PDLIM5: variants seen among roughly 807,000 people sequenced by gnomAD.
PDLIM5 encodes the protein PDZ and LIM domain protein 5.
A neutral mutation model predicts 64.2 loss-of-function variants in PDLIM5; 34 were observed. The observed-to-expected ratio is 0.53, with a 90% CI of 0.40 to 0.71. PDLIM5 has a LOEUF of 0.71. Ranked by LOEUF, PDLIM5 falls within the 30% of genes least tolerant of loss-of-function variation. PDLIM5 has a pLI of 0.00. For missense variants in PDLIM5, 683 were observed against 733.6 expected (o/e 0.93, Z 0.80); for synonymous variants, 253 against 269.1 (o/e 0.94, Z 0.59).
At chr4:94,471,243 C>T (rs997397864) in intron 2 of PDLIM5, among the ~76,000 whole-genome samples, 1 of 151,990 alleles carries the variant, frequency 6.6e-6, no homozygotes, top group Non-Finnish European at 1.5e-5. Context: ...GGTATAGTTG[C>T]AAAATACTAC....
At chr4:94,661,615 A>G (rs970223643) in intron 11 of PDLIM5, among the ~76,000 whole-genome samples, 4 of 152,204 alleles carry the variant, frequency 2.6e-5, no homozygotes, top group Admixed American at 2.6e-4. Flanking sequence ...CAGTCTAGCT[A>G]GAAACTCAGT....
chr4:94,632,036 T>C (rs1740192511), intron 8 of PDLIM5, among the ~76,000 whole-genome samples: 1 of 152,276 alleles, frequency 6.6e-6, no homozygotes, highest in African/African-American at 2.4e-5. Context: ...TGTCCTCCAC[T>C]GTGAACACAC....
At chr4:94,547,642 TTCTG>T (rs1238243340) in intron 3 of PDLIM5, among the ~76,000 whole-genome samples, 3 of 152,346 alleles carry the variant, frequency 2.0e-5, no homozygotes, top group Admixed American at 1.3e-4. Context: ...GAAGCCATTA[TTCTG>T]TCTAACACAT....
intron 3 of PDLIM5, among the ~76,000 whole-genome samples, chr4:94,546,237 C>T (rs950386817): frequency 2.0e-5 from 3 of 152,056 alleles, no homozygotes; most frequent in Admixed American, 1.3e-4. Context: ...TCAGTACTGT[C>T]CCTGGTTATT....
chr4:94,513,025 T>G (rs1291855484), intron 2 of PDLIM5, among the ~76,000 whole-genome samples: 2 of 152,226 alleles, frequency 1.3e-5, no homozygotes, highest in Admixed American at 1.3e-4. Context: ...GGCACTTCTG[T>G]TGAAAATGAG....
chr4:94,489,162 A>G (rs1204068528), intron 2 of PDLIM5: 1 of 152,132 alleles, frequency 6.6e-6, no homozygotes, highest in Non-Finnish European at 1.5e-5. Flanking sequence ...CTTTAATAGT[A>G]TATTGTCTAT....
intron 3 of PDLIM5, 35 bp from the exon 4 acceptor site, chr4:94,573,316 A>ATTTTTTTT: frequency 6.8e-7 from 1 of 1,467,836 alleles, no homozygotes; most frequent in Non-Finnish European, 9.4e-7. Flanking sequence ...AAAATTCATT[A>ATTTTTTTT]TTTTTTTTTT....
chr4:94,628,609 C>T (rs2110426821), intron 8 of PDLIM5, among the ~76,000 whole-genome samples: 1 of 151,660 alleles, frequency 6.6e-6, no homozygotes, highest in African/African-American at 2.4e-5. Flanking sequence ...TACCTTTCTC[C>T]TTCATTTCTG....
At chr4:94,554,499 GAC>G (rs1159400778) in intron 3 of PDLIM5, among the ~76,000 whole-genome samples, 1 of 151,658 alleles carries the variant, frequency 6.6e-6, no homozygotes, top group African/African-American at 2.4e-5. Flanking sequence ...TATATATAAA[GAC>G]ACAGATTATA....
intron 2 of PDLIM5, among the ~76,000 whole-genome samples, chr4:94,471,715 C>G (rs1480467376): frequency 1.3e-5 from 2 of 152,050 alleles, no homozygotes; most frequent in East Asian, 3.9e-4. Context: ...CTTTACCTGT[C>G]AAATAAGGGT....
chr4:94,657,933 C>T (rs368649491), intron 11 of PDLIM5, among the ~76,000 whole-genome samples: 3 of 152,066 alleles, frequency 2.0e-5, no homozygotes, highest in South Asian at 2.1e-4. Context: ...CTCGAACTCC[C>T]GACGTCAGGT....
chr4:94,458,745 A>C (rs1267754516), intron 2 of PDLIM5, among the ~76,000 whole-genome samples: 1 of 152,228 alleles, frequency 6.6e-6, no homozygotes, highest in Non-Finnish European at 1.5e-5. Context: ...TTGTATCAGC[A>C]TGTGAATATG....
At chr4:94,603,485 C>G (rs183662013) in intron 7 of PDLIM5, among the ~76,000 whole-genome samples, 4 of 152,206 alleles carry the variant, frequency 2.6e-5, no homozygotes, top group Admixed American at 6.5e-5. Context: ...GCCCCCCCAA[C>G]CCTCCGCAAA....
chr4:94,556,401 A>G (rs1056619472), intron 3 of PDLIM5, among the ~76,000 whole-genome samples: 2 of 152,196 alleles, frequency 1.3e-5, no homozygotes, highest in Non-Finnish European at 2.9e-5. Context: ...CATGATTTAT[A>G]ATCCTTTGGT....
chr4:94,462,140 G>A (rs1723947482), intron 2 of PDLIM5, among the ~76,000 whole-genome samples: 1 of 152,192 alleles, frequency 6.6e-6, no homozygotes, highest in Non-Finnish European at 1.5e-5. Context: ...TGGGATTACA[G>A]GCGTGAGCCA....
At chr4:94,511,261 C>T (rs1728845251) in intron 2 of PDLIM5, among the ~76,000 whole-genome samples, 1 of 152,184 alleles carries the variant, frequency 6.6e-6, no homozygotes, top group Admixed American at 6.6e-5. Flanking sequence ...AATATTCTGG[C>T]TAGCAACCTA....
chr4:94,471,072 G>A (rs1454170112), intron 2 of PDLIM5, among the ~76,000 whole-genome samples: 2 of 152,038 alleles, frequency 1.3e-5, no homozygotes, highest in East Asian at 1.9e-4. Flanking sequence ...GCAAAGACCC[G>A]CCCCCATCAT....
chr4:94,468,826 GC>G (rs1484274001), intron 2 of PDLIM5, among the ~76,000 whole-genome samples: 2 of 152,200 alleles, frequency 1.3e-5, no homozygotes, highest in African/African-American at 2.4e-5. Context: ...ACATGTCAGA[GC>G]CATAAGAAGA....
Position 94,509,107 on chromosome 4 carries a change from T to C in PDLIM5, c.97-14617T>C, listed in dbSNP as rs907772982. Among the ~76,000 whole-genome samples, 39 of 152,208 alleles carry C rather than the reference T, an allele frequency of 2.6e-4. 1 individual carries two copies. Reference sequence around the variant, plus strand: ...ATTAGTTGTTCCAGTCTTTGTGTTATTGATAGCTTGTATACATTTCATCAT... The same window carrying C: ...ATTAGTTGTTCCAGTCTTTGTGTTACTGATAGCTTGTATACATTTCATCAT... On this transcript the variant is annotated intron_variant, in intron 2 of 12. Transcript: ENST00000317968.
Sources: allele counts gnomAD v4.1 joint callset (sites outside exome capture counted in the v4.1 genomes callset), GRCh38; gene constraint gnomAD v4.1.1; transcripts MANE v1.5; gene names NCBI Gene and HGNC (gene_info 2026-07-23, HGNC 2026-07-21).